Variants in EPG5 observed in about 807,000 individuals in gnomAD.
EPG5 encodes the protein ectopic P-granules 5 autophagy tethering factor.
EPG5 carries 159 observed loss-of-function variants against 302.7 expected under a neutral mutation model. That is an observed-to-expected ratio of 0.53 (90% confidence interval 0.46 to 0.60). The LOEUF is 0.60. EPG5 is among the 20% of genes least tolerant of loss of function. The pLI is 0.00. For missense variants in EPG5, 2,896 were observed against 3,092.4 expected (o/e 0.94, Z 1.51); for synonymous variants, 1,158 against 1,136.8 (o/e 1.02, Z -0.37).
At chr18:45,856,227 A>G (rs1426952028) in intron 42 of EPG5, among the ~76,000 whole-genome samples, 1 of 152,282 alleles carries the variant, frequency 6.6e-6, no homozygotes, top group Non-Finnish European at 1.5e-5. Flanking sequence ...CAAACGAAGT[A>G]TGGATACATG....
downstream of EPG5, among the ~76,000 whole-genome samples, chr18:45,844,936 T>C (rs1208618014): frequency 1.3e-5 from 2 of 152,246 alleles, no homozygotes; most frequent in Non-Finnish European, 2.9e-5. Flanking sequence ...CTTAAGTATC[T>C]GCTTTGTGCT....
intron 39 of EPG5, 107 bp from the exon 40 acceptor site, chr18:45,860,453 A>G: frequency 4.2e-6 from 6 of 1,424,734 alleles, no homozygotes; most frequent in Non-Finnish European, 5.8e-6. Context: ...GGCAGATTTT[A>G]CAGTGCTAGT....
chr18:45,818,227 T>C, the EPG5 span, among the ~76,000 whole-genome samples: 1 of 151,892 alleles, frequency 6.6e-6, no homozygotes, highest in African/African-American at 2.4e-5. Flanking sequence ...TTGTCTATTA[T>C]AGCAAAACAA....
At chr18:45,817,011 G>T in the EPG5 span, among the ~76,000 whole-genome samples, 2 of 152,154 alleles carry the variant, frequency 1.3e-5, no homozygotes, top group African/African-American at 4.8e-5. Context: ...GAAGTAACTC[G>T]GGAATGGAAA....
chr18:45,954,710 A>T lies in EPG5; in HGVS notation c.692T>A (p.Val231Glu), dbSNP rs1298870369. The T allele has an allele frequency of 6.2e-7, 1 of 1,614,186 alleles. No individual in the cohort carries two copies. Among genetic ancestry groups the T allele is most frequent in the Admixed American group, 1.7e-5 (1 of 60,020 alleles). The part of the protein sequence containing the change: ...AEIAGEAPAL[V>E]AVKPLLRSER... ...ACTGCGAAGCAAGGGTTTCACTGCC[A>T]CCAAAGCTGGTGCTTCTCCAGCAAT... Residue 231 changes from valine to glutamate, a missense_variant, in exon 2 of 44, where the codon GTG becomes GAG. By Grantham distance (121) the Val-to-Glu change is moderately radical. This residue lies in a region of EPG5 where 1,390 missense variants were observed against 1,430.0 expected (regional missense o/e 0.97). Transcript: ENST00000282041.
chr18:45,925,731 C>T lies in EPG5; in HGVS notation c.2718+7G>A, dbSNP rs761789268. On this transcript the variant is annotated splice_region_variant and intron_variant, in intron 14 of 43. Coordinates refer to ENST00000282041, the MANE Select transcript of EPG5 (RefSeq NM_020964.3). ...TCCAGTCTCCAGGGAATGGTTTGAA[C>T]ACATACCTGTTTAGCAAATCCCCAA... The T allele has an allele frequency of 2.6e-6, 4 of 1,518,764 alleles. No individual in the cohort carries two copies. Among genetic ancestry groups the T allele is most frequent in the Admixed American group, 2.4e-5 (1 of 42,070 alleles). The allele number at this position is 1,518,764 out of a possible 1,614,324, so 94.1% of individuals were successfully genotyped here.
chr18:45,913,025 T>C (rs952708310), intron 21 of EPG5, among the ~76,000 whole-genome samples: 6 of 151,050 alleles, frequency 4.0e-5, no homozygotes, highest in African/African-American at 1.5e-4. Flanking sequence ...AAGGTGGAGG[T>C]TGCAGTGAGC....
At chr18:45,877,566 G>A (rs2049000630) in intron 34 of EPG5, among the ~76,000 whole-genome samples, 1 of 152,156 alleles carries the variant, frequency 6.6e-6, no homozygotes, top group Non-Finnish European at 1.5e-5. Flanking sequence ...CCTGAAGCTT[G>A]CAGATTATTC....
At chr18:45,952,215 G>A (rs1412608359) in intron 3 of EPG5, among the ~76,000 whole-genome samples, 185 bp downstream of exon 3, 1 of 152,174 alleles carries the variant, frequency 6.6e-6, no homozygotes, top group Non-Finnish European at 1.5e-5. Flanking sequence ...AAGGAGACCT[G>A]GCAATGCTCC....
intron 1 of EPG5, among the ~76,000 whole-genome samples, chr18:45,956,418 A>C (rs1568189520): frequency 6.6e-6 from 1 of 152,092 alleles, no homozygotes; most frequent in Non-Finnish European, 1.5e-5. Flanking sequence ...TCTACATCCT[A>C]CTATTGTACC....
the EPG5 span, among the ~76,000 whole-genome samples, chr18:45,840,517 A>C: frequency 2.0e-5 from 3 of 152,298 alleles, no homozygotes; most frequent in African/African-American, 7.2e-5. Flanking sequence ...TTGAACAGGC[A>C]GATTCATACA....
downstream of EPG5, among the ~76,000 whole-genome samples, chr18:45,847,196 C>T (rs758235283): frequency 3.3e-5 from 5 of 152,196 alleles, no homozygotes; most frequent in Non-Finnish European, 7.3e-5. Flanking sequence ...GTGCATCTTA[C>T]AAATGTGAGT....
the EPG5 span, among the ~76,000 whole-genome samples, chr18:45,836,676 C>T: frequency 6.6e-6 from 1 of 152,206 alleles, no homozygotes; most frequent in Non-Finnish European, 1.5e-5. Flanking sequence ...AAACAGCCCA[C>T]CTCTCTGGTC....
chr18:45,898,307 T>C (rs1322848598), intron 27 of EPG5, among the ~76,000 whole-genome samples: 1 of 152,200 alleles, frequency 6.6e-6, no homozygotes, highest in African/African-American at 2.4e-5. Flanking sequence ...AGCAACTTAA[T>C]TAACTTCTCT....
At chr18:45,828,713 G>T in the EPG5 span, among the ~76,000 whole-genome samples, 3 of 152,220 alleles carry the variant, frequency 2.0e-5, no homozygotes, top group Non-Finnish European at 4.4e-5. Flanking sequence ...TTCTGAGTGT[G>T]CATCCACCTC....
chr18:45,956,332 C>G (rs1036131560), intron 1 of EPG5, among the ~76,000 whole-genome samples: 6 of 152,178 alleles, frequency 3.9e-5, no homozygotes, highest in Admixed American at 1.3e-4. Flanking sequence ...CTACAGTGAT[C>G]TGACAACTAA....
intron 29 of EPG5, among the ~76,000 whole-genome samples, chr18:45,886,594 T>C (rs1196498124): frequency 6.6e-6 from 1 of 152,226 alleles, no homozygotes; most frequent in African/African-American, 2.4e-5. Flanking sequence ...TCTAGGTAGT[T>C]AGGATTATAA....
At chr18:45,911,069 ATCTATC>A (rs1458170800) in intron 22 of EPG5, among the ~76,000 whole-genome samples, 2 of 142,666 alleles carry the variant, frequency 1.4e-5, no homozygotes, top group African/African-American at 5.4e-5. Flanking sequence ...CTATCTATCT[ATCTATC>A]TATACACACA....
chr18:45,876,406 T>G (rs2048972441), intron 34 of EPG5, 64 bp from the exon 35 acceptor site: 1 of 1,360,640 alleles, frequency 7.3e-7, no homozygotes, highest in Non-Finnish European at 1.1e-6. Flanking sequence ...TAAGTCCCAG[T>G]GTCTAGGGCT....
Sources: gnomAD v4.1 joint callset for allele counts (sites outside exome capture counted in the v4.1 genomes callset) on GRCh38, gnomAD v4.1.1 for gene constraint, gnomAD v4.1.1 regional missense constraint, MANE v1.5 for transcripts, NCBI Gene and HGNC (gene_info 2026-07-23, HGNC 2026-07-21) for gene names.